STRN: variants seen among roughly 807,000 people sequenced by gnomAD.
STRN encodes protein phosphatase 2 regulatory subunit B'''alpha.
STRN carries 53 observed loss-of-function variants against 96.3 expected under a neutral mutation model. That is an observed-to-expected ratio of 0.55 (90% CI 0.44 to 0.69). The LOEUF is 0.69. Among genes scored for constraint, STRN ranks in the 30% least tolerant of loss-of-function variants. STRN has a pLI of 0.00. For missense variants in STRN, 987 were observed against 963.9 expected, an observed-to-expected ratio of 1.02 and a Z score of -0.32; for synonymous variants, 428 against 355.9, an observed-to-expected ratio of 1.20 and a Z score of -2.28.
rs1668014815 is a variant in STRN, at chr2:36,844,333, C to T, written c.*5123G>A. On this transcript the variant is annotated 3_prime_UTR_variant, in exon 18 of 18. Coordinates refer to ENST00000263918, the MANE Select transcript of STRN (RefSeq NM_003162.4). ...AAGACTTTCTGATTGCTGATAATAA[C>T]AAATTTAGCAGCTCTCTACAAGTCA... 1 of 152,068 alleles carries T rather than the reference C, an allele frequency of 6.6e-6. No individual in the cohort carries two copies. Among genetic ancestry groups the T allele is most frequent in the Non-Finnish European group, 1.5e-5 (1 of 67,998 alleles). 9.4% of individuals were successfully genotyped at this position (152,068 alleles called of 1,614,324 possible).
chr2:36,895,226 C>G (rs996354665), intron 6 of STRN, among the ~76,000 whole-genome samples: 11 of 151,662 alleles, frequency 7.3e-5, no homozygotes, highest in African/African-American at 2.4e-4. Context: ...ACTCGGGAGG[C>G]TGAGGCAGAA....
At chr2:36,943,208 C>A (rs1396341141) in intron 1 of STRN, among the ~76,000 whole-genome samples, 2 of 151,918 alleles carry the variant, frequency 1.3e-5, no homozygotes, top group Non-Finnish European at 2.9e-5. Context: ...TTTACGTAGA[C>A]ATATAAAGCA....
chr2:36,952,158 T>G (rs373176805), intron 1 of STRN, among the ~76,000 whole-genome samples: 1 of 152,174 alleles, frequency 6.6e-6, no homozygotes, highest in South Asian at 2.1e-4. Flanking sequence ...CTGTCTTACA[T>G]TGGGAAAGGA....
At chr2:36,940,944 A>G (rs537558465) in intron 1 of STRN, among the ~76,000 whole-genome samples, 1 of 152,292 alleles carries the variant, frequency 6.6e-6, no homozygotes, top group South Asian at 2.1e-4. Flanking sequence ...CTGAAGATCA[A>G]GAGTTTGAGA....
intron 1 of STRN, among the ~76,000 whole-genome samples, chr2:36,928,668 G>C (rs1479085621): frequency 1.5e-5 from 2 of 137,086 alleles, no homozygotes; most frequent in Non-Finnish European, 3.1e-5. Context: ...AAAAAGGCAG[G>C]GCGCAGTGGC....
At chr2:36,856,307 C>T (rs1668341803) in intron 14 of STRN, among the ~76,000 whole-genome samples, 1 of 152,128 alleles carries the variant, frequency 6.6e-6, no homozygotes, top group Admixed American at 6.5e-5. Context: ...GAAAGCCCAG[C>T]AATTCTAAGT....
At chr2:36,951,822 G>T (rs1664759191) in intron 1 of STRN, among the ~76,000 whole-genome samples, 1 of 152,180 alleles carries the variant, frequency 6.6e-6, no homozygotes, top group South Asian at 2.1e-4. Context: ...GACCGATATG[G>T]GTCCATGGCC....
In STRN at chr2:36,954,236, C is replaced by T. The variant is rs145528250; in HGVS notation, c.234+11994G>A. 7.6e-4 allele frequency among the ~76,000 whole-genome samples: 115 copies of T among 151,996 alleles called. No homozygotes were observed. In the East Asian group the frequency reaches 8.1e-3, roughly 11 times the overall value. On this transcript the variant is annotated intron_variant, in intron 1 of 17. Coordinates refer to ENST00000263918, the MANE Select transcript of STRN (RefSeq NM_003162.4). ...TAAAAAAGCTCCAAATTTGGCCAGG[C>T]GTGGTGGCTCACACCTATAATCCCA...
chr2:36,917,981 C>T (rs1343793047), intron 2 of STRN, among the ~76,000 whole-genome samples: 1 of 151,870 alleles, frequency 6.6e-6, no homozygotes, highest in Admixed American at 6.6e-5. Context: ...ATACATAATA[C>T]GTAAGATATC....
intron 1 of STRN, among the ~76,000 whole-genome samples, chr2:36,935,210 T>C (rs1000283018): frequency 3.9e-5 from 6 of 152,234 alleles, no homozygotes; most frequent in African/African-American, 1.2e-4. Flanking sequence ...CCTCTCCAAA[T>C]GCCCTTTCAT....
At chr2:36,943,746 G>A (rs1670907914) in intron 1 of STRN, among the ~76,000 whole-genome samples, 1 of 152,016 alleles carries the variant, frequency 6.6e-6, no homozygotes, top group Non-Finnish European at 1.5e-5. Flanking sequence ...AGAGGTTGCA[G>A]TGAGCCGAGA....
chr2:36,963,950 C>T (rs1665090892), intron 1 of STRN, among the ~76,000 whole-genome samples: 1 of 151,770 alleles, frequency 6.6e-6, no homozygotes, highest in South Asian at 2.1e-4. Context: ...GACTGCACCA[C>T]TGCACACCGG....
In STRN at chr2:36,893,844, T is replaced by G. The variant is rs925120620; in HGVS notation, c.931+54A>C. ...AAGATGTTGCCCTCCTGGTAAAATA[T>G]TAATTTCTTTTATTTACTTAACATC... is the stretch of plus-strand genomic sequence containing the variant. On this transcript the variant is annotated intron_variant, in intron 7 of 17. Coordinates refer to ENST00000263918, the MANE Select transcript of STRN (RefSeq NM_003162.4). The G allele has an allele frequency of 1.9e-6, 3 of 1,540,554 alleles. No homozygotes were observed. The African/African-American group carries it at 4.2e-5, about 22-fold the overall frequency.
chr2:36,894,039 G>GA lies in STRN; in HGVS notation c.796-7dup. 2.5e-6 allele frequency: 4 copies of GA among 1,603,718 alleles called. No homozygotes were observed. Among genetic ancestry groups the GA allele is most frequent in the South Asian group, 1.1e-5 (1 of 88,738 alleles). On this transcript the variant is annotated splice_region_variant and splice_polypyrimidine_tract_variant and intron_variant, in intron 6 of 17. Coordinates refer to ENST00000263918, the MANE Select transcript of STRN (RefSeq NM_003162.4). ...AATGCTTTTTTCCTAACAATCTAAT[G>GA]AAAAAACATGCTAAATTAAATAAAG...
At chr2:36,932,256 G>A (rs979991835) in intron 1 of STRN, among the ~76,000 whole-genome samples, 1 of 152,050 alleles carries the variant, frequency 6.6e-6, no homozygotes, top group African/African-American at 2.4e-5. Flanking sequence ...CCGGGTTCAA[G>A]CAATTCTCCT....
intron 1 of STRN, among the ~76,000 whole-genome samples, chr2:36,937,231 C>T (rs1358544946): frequency 6.6e-6 from 1 of 151,478 alleles, no homozygotes; most frequent in Non-Finnish European, 1.5e-5. Flanking sequence ...ATAATCCCAG[C>T]TACTTGGGAA....
At position 36,925,140 on chromosome 2, in the gene STRN, C is replaced by T. The variant is rs1361583112; in HGVS notation, c.303G>A (p.Arg101=). The change falls in exon 2 of 18, where the codon AGG becomes AGA. Residue 101 remains arginine (R), a synonymous_variant. Transcript: ENST00000263918. Reference sequence around the variant, plus strand: ...TAAGAGCATACTCCAACATTTTGATCCTCCTCACAAGATCCTTCTTCAAAT... The same window carrying T: ...TAAGAGCATACTCCAACATTTTGATTCTCCTCACAAGATCCTTCTTCAAAT... ...QENLKKDLVR[R]IKMLEYALKQ... is the part of the protein sequence containing the mutation. 5.6e-6 allele frequency: 9 copies of T among 1,613,740 alleles called. No homozygotes were observed. Among genetic ancestry groups the T allele is most frequent in the Non-Finnish European group, 7.6e-6 (9 of 1,179,784 alleles).
rs946076707 is a variant in STRN at position 36,839,093 on chromosome 2, T to G, written c.*10363A>C. 6.6e-6 allele frequency among the ~76,000 whole-genome samples: 1 copy of G among 152,226 alleles called. No individual in the cohort carries two copies. Among genetic ancestry groups the G allele is most frequent in the African/African-American group, 2.4e-5 (1 of 41,464 alleles). On this transcript the variant is annotated 3_prime_UTR_variant, in exon 18 of 18. Transcript: ENST00000263918. ...TTGTATGAATAATTAGAAAGATACATATCAGGGAGGTAGGAATGAAGGGGT... is the reference window on the plus strand; with the variant it reads ...TTGTATGAATAATTAGAAAGATACAGATCAGGGAGGTAGGAATGAAGGGGT...
At chr2:36,935,285 C>A (rs1189328761) in intron 1 of STRN, among the ~76,000 whole-genome samples, 4 of 152,068 alleles carry the variant, frequency 2.6e-5, no homozygotes, top group Admixed American at 2.6e-4. Context: ...TCTCTGAATT[C>A]CAAGAGCATT....
Sources: gnomAD v4.1 joint callset for allele counts (sites outside exome capture counted in the v4.1 genomes callset) on GRCh38, gnomAD v4.1.1 for gene constraint, MANE v1.5 for transcripts, NCBI Gene and HGNC (gene_info 2026-07-23, HGNC 2026-07-21) for gene names.